METTL22: variants seen among roughly 807,000 people sequenced by gnomAD.
METTL22 encodes methyltransferase-like protein 22.
A neutral mutation model predicts 48.4 loss-of-function variants in METTL22; 51 were observed. The observed-to-expected ratio is 1.05, with a 90% CI of 0.84 to 1.33. METTL22 has a LOEUF of 1.33. Ranked by LOEUF, METTL22 falls within the 40% of genes most tolerant of loss-of-function variation. The pLI, the probability that METTL22 is intolerant of heterozygous loss-of-function variation, is 0.00. For missense variants in METTL22, 678 were observed against 526.9 expected (o/e 1.29, Z -2.81); for synonymous variants, 255 against 214.1 (o/e 1.19, Z -1.67).
intron 9 of METTL22, chr16:8,644,349 G>T (rs1231639718): frequency 2.1e-6 from 1 of 475,812 alleles, no homozygotes; most frequent in East Asian, 3.6e-5. Context: ...TTCCACATCT[G>T]TAAAGTGCTA....
At chr16:8,641,088 ATGT>A in intron 6 of METTL22, 40 bp from the exon 7 acceptor site, 1 of 1,573,996 alleles carries the variant, frequency 6.4e-7, no homozygotes, top group Non-Finnish European at 8.7e-7. Flanking sequence ...TTTCCTGATG[ATGT>A]TTAGAGTTTG....
At chr16:8,651,497 T>C (rs2056897660), downstream of METTL22, among the ~76,000 whole-genome samples, 4 of 152,070 alleles carry the variant, frequency 2.6e-5, no homozygotes, top group Non-Finnish European at 5.9e-5. Flanking sequence ...GTAGAGTTTT[T>C]GGCTTGGCGG....
At chr16:8,650,293 C>T (rs2056875812), downstream of METTL22, among the ~76,000 whole-genome samples, 1 of 152,244 alleles carries the variant, frequency 6.6e-6, no homozygotes, top group Non-Finnish European at 1.5e-5. Flanking sequence ...CACTGCACTA[C>T]ACCCTCACAG....
chr16:8,637,087 C>A (rs2056446586), intron 5 of METTL22, among the ~76,000 whole-genome samples: 1 of 152,064 alleles, frequency 6.6e-6, no homozygotes, highest in Non-Finnish European at 1.5e-5. Context: ...GTCAAGTGAA[C>A]CTTGTTGTTA....
chr16:8,661,561 C>T, the METTL22 span, among the ~76,000 whole-genome samples: 7 of 134,454 alleles, frequency 5.2e-5, no homozygotes, highest in South Asian at 2.5e-4. Flanking sequence ...AGGAGAATGG[C>T]GTGAACCCAG....
At chr16:8,630,007 G>C (rs562032501) in intron 3 of METTL22, among the ~76,000 whole-genome samples, 31 of 98,844 alleles carry the variant, frequency 3.1e-4, no homozygotes, top group African/African-American at 1.2e-3. Flanking sequence ...CCAGGGCTTT[G>C]CCTCCCCCTG....
the METTL22 span, among the ~76,000 whole-genome samples, chr16:8,654,757 C>T: frequency 6.6e-6 from 1 of 152,158 alleles, no homozygotes; most frequent in African/African-American, 2.4e-5. Context: ...CCAACTGAGC[C>T]TCAGAATGCA....
Position 8,628,997 on chromosome 16 carries a change from CCAA to C in METTL22, c.403_405del (p.Asn135del). 1 of 1,614,138 alleles carries C rather than the reference CCAA, an allele frequency of 6.2e-7. No homozygotes were observed. The highest frequency in any genetic ancestry group is 8.5e-7 in the Non-Finnish European group (1 of 1,180,042). The stretch of plus-strand genomic sequence containing the variant: ...AGAAGACCACGAGCCGCCTCTGATT[CCAA>C]CCCAGCAGGGCCTCTGAGAGACAAG... On this transcript the variant is annotated inframe_deletion, in exon 3 of 11. Coordinates refer to ENST00000381920, the MANE Select transcript of METTL22 (RefSeq NM_024109.4).
rs143939158 is a variant in METTL22 at position 8,643,266 on chromosome 16, A to G, written c.1010+701A>G. On this transcript the variant is annotated intron_variant, in intron 9 of 10. Transcript: ENST00000381920. Reference sequence around the variant, plus strand: ...ATTTATTGCAGTGTTACTTATACCAATAATACCGAGGGCTTGCTTTGAGGC... The same window carrying G: ...ATTTATTGCAGTGTTACTTATACCAGTAATACCGAGGGCTTGCTTTGAGGC... Among the ~76,000 whole-genome samples the G allele has an allele frequency of 5.8e-3, 880 of 152,346 alleles. 13 individuals are homozygous for G. Among genetic ancestry groups the G allele is most frequent in the African/African-American group, 0.02 (817 of 41,572 alleles).
chr16:8,650,161 A>C (rs924129333), downstream of METTL22, among the ~76,000 whole-genome samples: 1 of 152,198 alleles, frequency 6.6e-6, no homozygotes, highest in African/African-American at 2.4e-5. Context: ...CCCTATCTCT[A>C]AAAAACTTTT....
In METTL22 at chr16:8,635,058, C is replaced by T; in HGVS notation, c.534C>T (p.Pro178=). The change falls in exon 4 of 11, where the codon CCC becomes CCT. Residue 178 remains proline, a synonymous_variant. Coordinates refer to ENST00000381920, the MANE Select transcript of METTL22 (RefSeq NM_024109.4). ...IIRIEHTMAT[P]LEDVGKQVWR... Reference sequence around the variant, plus strand: ...ATCCAGAGCACACCATGGCCACGCCCCTGGAGGATGTTGGCAAGCAGGTGG... The same window carrying T: ...ATCCAGAGCACACCATGGCCACGCCTCTGGAGGATGTTGGCAAGCAGGTGG... 1.2e-6 allele frequency: 2 copies of T among 1,613,818 alleles called. No homozygotes were observed. The highest frequency in any genetic ancestry group is 1.1e-5 in the South Asian group (1 of 91,052).
chr16:8,661,906 G>T, the METTL22 span, among the ~76,000 whole-genome samples: 1 of 144,460 alleles, frequency 6.9e-6, no homozygotes, highest in Non-Finnish European at 1.5e-5. Flanking sequence ...GTAAGCTAAG[G>T]CTCGAATCTT....
chr16:8,628,310 G>T (rs1203813512), intron 2 of METTL22, among the ~76,000 whole-genome samples: 2 of 152,232 alleles, frequency 1.3e-5, no homozygotes, highest in Non-Finnish European at 1.5e-5. Context: ...TGATCGGACA[G>T]ATTCAAAAAC....
In METTL22 at chr16:8,648,853, C is replaced by T. The variant is rs1641076; in HGVS notation, c.*2710C>T. ...TTCCGAATCTGCATCTCAACGAGAC[C>T]CTGGGTGATTTGTGTGCACAGTAGT... On this transcript the variant is annotated 3_prime_UTR_variant, in exon 11 of 11. Transcript: ENST00000381920. 150,483 of 152,388 alleles carry T rather than the reference C, an allele frequency of 0.99. 74,336 individuals carry two copies. Among genetic ancestry groups the T allele is most frequent in the Middle Eastern group, 1 (294 of 294 alleles). 9.4% of individuals were successfully genotyped at this position (152,388 alleles called of 1,614,324 possible).
At chr16:8,664,443 C>G in the METTL22 span, among the ~76,000 whole-genome samples, 1 of 151,808 alleles carries the variant, frequency 6.6e-6, no homozygotes, top group African/African-American at 2.4e-5. Flanking sequence ...CCACGCCCAG[C>G]CTACATTTTA....
In METTL22 at chr16:8,646,227, C is replaced by G. The variant is rs1379294230; in HGVS notation, c.*84C>G. 1.9e-6 allele frequency: 3 copies of G among 1,538,792 alleles called. No homozygotes were observed. Among genetic ancestry groups the G allele is most frequent in the South Asian group, 2.2e-5 (2 of 88,948 alleles). On this transcript the variant is annotated 3_prime_UTR_variant, in exon 11 of 11. Transcript: ENST00000381920. ...ATCAGAAGCTCACCAAAGCAACATGCTTGAGATTTTGTCATTTTAAAAATA... is the reference window on the plus strand; with the variant it reads ...ATCAGAAGCTCACCAAAGCAACATGGTTGAGATTTTGTCATTTTAAAAATA...
intron 1 of METTL22, among the ~76,000 whole-genome samples, chr16:8,625,240 G>A (rs1039993333): frequency 6.6e-6 from 1 of 151,968 alleles, no homozygotes; most frequent in Non-Finnish European, 1.5e-5. Context: ...GGGCAGGCAC[G>A]TGTGGCAAAA....
Position 8,646,897 on chromosome 16 carries a change from C to T in METTL22, c.*754C>T. 1 of 355,252 alleles carries T rather than the reference C, an allele frequency of 2.8e-6. No homozygotes were observed. Among genetic ancestry groups the T allele is most frequent in the South Asian group, 2.1e-5 (1 of 46,580 alleles). 22.0% of individuals were successfully genotyped at this position (355,252 alleles called of 1,614,324 possible). On this transcript the variant is annotated 3_prime_UTR_variant, in exon 11 of 11. Coordinates refer to ENST00000381920, the MANE Select transcript of METTL22 (RefSeq NM_024109.4). ...GTCTGTCTGTCTGGTTTTTTATCTT[C>T]TCCATCTGTGCCTCTCTCCTCCCAT...
rs2056037976 is a variant in METTL22 at position 8,625,990 on chromosome 16, G to T, written c.133+192G>T. On this transcript the variant is annotated intron_variant, in intron 2 of 10. Coordinates refer to ENST00000381920, the MANE Select transcript of METTL22 (RefSeq NM_024109.4). ...CTGCAATTTTTGTATGTGGGGGTTT[G>T]TTTTGCTTTTGTTTTTGCTTTTCTT... is the stretch of plus-strand genomic sequence containing the variant. Among the ~76,000 whole-genome samples, 4 of 152,040 alleles carry T rather than the reference G, an allele frequency of 2.6e-5. No individual in the cohort carries two copies. The South Asian group carries it at 8.3e-4, about 32-fold the overall frequency.
Sources: gnomAD v4.1 joint callset for allele counts (sites outside exome capture counted in the v4.1 genomes callset) on GRCh38, gnomAD v4.1.1 for gene constraint, MANE v1.5 for transcripts, NCBI Gene and HGNC (gene_info 2026-07-23, HGNC 2026-07-21) for gene names.